ACACB: variants seen among roughly 807,000 people sequenced by gnomAD.
The protein encoded by ACACB is acetyl-CoA carboxylase 2.
A neutral mutation model predicts 278.8 loss-of-function variants in ACACB; 209 were observed. The observed-to-expected ratio is 0.75, with a 90% CI of 0.67 to 0.84. The LOEUF is 0.84. Ranked by LOEUF, ACACB falls within the 40% of genes least tolerant of loss-of-function variation. The pLI is 0.00. For missense variants in ACACB, 2,850 were observed against 3,269.0 expected, an observed-to-expected ratio of 0.87 and a Z score of 3.13; for synonymous variants, 1,174 against 1,285.6, an observed-to-expected ratio of 0.91 and a Z score of 1.86.
At chr12:109,161,675 T>C (rs917787680) in intron 2 of ACACB, among the ~76,000 whole-genome samples, 1 of 152,044 alleles carries the variant, frequency 6.6e-6, no homozygotes, top group Non-Finnish European at 1.5e-5. Context: ...GATGACTAGA[T>C]ACAGAAAATT....
At chr12:109,182,507 A>G (rs922314445) in intron 11 of ACACB, among the ~76,000 whole-genome samples, 4 of 152,170 alleles carry the variant, frequency 2.6e-5, no homozygotes, top group East Asian at 3.9e-4. Context: ...AGCTGAGACT[A>G]CAAGTGTGCA....
In ACACB at chr12:109,134,030, C is replaced by T. The variant is rs187993105; in HGVS notation, c.-9-5367C>T. On this transcript the variant is annotated intron_variant, in intron 1 of 52. Transcript: ENST00000338432. Reference sequence around the variant, plus strand: ...ATGTCCCAGGCTCAAGTGAGCCTCCCGCCTTGGCCTCCCAAAGTGTTGGGA... The same window carrying T: ...ATGTCCCAGGCTCAAGTGAGCCTCCTGCCTTGGCCTCCCAAAGTGTTGGGA... Among the ~76,000 whole-genome samples, 13 of 151,270 alleles carry T rather than the reference C, an allele frequency of 8.6e-5. No homozygotes were observed. In the South Asian group the frequency reaches 2.5e-3, roughly 29 times the overall value.
intron 1 of ACACB, among the ~76,000 whole-genome samples, chr12:109,137,673 G>A (rs529410449): frequency 2.0e-5 from 3 of 151,250 alleles, no homozygotes; most frequent in Admixed American, 6.6e-5. Flanking sequence ...AAAAAAAAAA[G>A]GATTTTTAGA....
chr12:109,258,004 G>T (rs530193615), intron 45 of ACACB, among the ~76,000 whole-genome samples: 1 of 152,334 alleles, frequency 6.6e-6, no homozygotes, highest in Non-Finnish European at 1.5e-5. Context: ...CCTCGTCACA[G>T]AAAGTTCTAG....
At chr12:109,227,334 C>T (rs918798071) in intron 27 of ACACB, 37 bp from the exon 28 acceptor site, 3 of 1,569,372 alleles carry the variant, frequency 1.9e-6, no homozygotes, top group Admixed American at 3.6e-5. Context: ...TCTGCAGTGG[C>T]CCCTGAGAGA....
chr12:109,190,549 A>G (rs1454033421), intron 13 of ACACB, among the ~76,000 whole-genome samples: 2 of 152,186 alleles, frequency 1.3e-5, no homozygotes, highest in Admixed American at 6.5e-5. Context: ...GGAAGGTGAG[A>G]GGGTGGCACC....
At position 109,216,915 on chromosome 12, in the gene ACACB, T is replaced by A. The variant is rs771810361; in HGVS notation, c.3559T>A (p.Leu1187Met). 3 of 1,613,256 alleles carry A rather than the reference T, an allele frequency of 1.9e-6. No individual in the cohort carries two copies. In the East Asian group the frequency reaches 6.7e-5, roughly 36 times the overall value. ...CAAGAAGAACCAGCTGGTGATCATG[T>A]TGATCGTAAGCAGGAAGAGGGCCTG... is the stretch of plus-strand genomic sequence containing the variant. ...VAKKNQLVIM[L>M]IDELCGPDPS... Residue 1187 changes from leucine to methionine, a missense_variant, in exon 24 of 53, where the codon TTG (leucine) becomes ATG (methionine). Transcript: ENST00000338432.
intron 34 of ACACB, among the ~76,000 whole-genome samples, chr12:109,237,873 G>A (rs1341314037): frequency 2.0e-5 from 3 of 151,814 alleles, no homozygotes; most frequent in Non-Finnish European, 4.4e-5. Flanking sequence ...TTACCTGGGC[G>A]TGGTGGCGTA....
chr12:109,135,330 C>T (rs866904753), intron 1 of ACACB, among the ~76,000 whole-genome samples: 1 of 152,050 alleles, frequency 6.6e-6, no homozygotes. Flanking sequence ...TTCATTGGAG[C>T]AATGTCTATC....
chr12:109,173,732 A>G (rs1466950334), intron 6 of ACACB, among the ~76,000 whole-genome samples: 1 of 152,226 alleles, frequency 6.6e-6, no homozygotes, highest in East Asian at 1.9e-4. Context: ...TGTGACAGAG[A>G]CCTGCAGGCT....
intron 2 of ACACB, among the ~76,000 whole-genome samples, chr12:109,151,887 C>T (rs1195398747): frequency 1.3e-5 from 2 of 152,198 alleles, no homozygotes; most frequent in Non-Finnish European, 2.9e-5. Context: ...CAAAAGTAAT[C>T]GTGGTTTTTG....
At chr12:109,212,741 T>C (rs2300454) in intron 21 of ACACB, 95 bp from the exon 22 acceptor site, 190,197 of 987,484 alleles carry the variant, frequency 0.19, 19,553 homozygotes, top group East Asian at 0.31. Flanking sequence ...GGACCAGTGC[T>C]CGTTTGGGTA....
In ACACB at chr12:109,139,774, A is replaced by G. The variant is rs779148685; in HGVS notation, c.369A>G (p.Gln123=). ...TTCAAGCCAACGGGACTGGGACACA[A>G]GGTCTGGAGGCCACAGATACCAATG... ...PELQANGTGT[Q]GLEATDTNGL... is the part of the protein sequence containing the mutation. Residue 123 remains glutamine, a synonymous_variant, in exon 2 of 53, where the codon CAA becomes CAG. Transcript: ENST00000338432. 6.2e-7 allele frequency: 1 copy of G among 1,614,080 alleles called. No homozygotes were observed. The highest frequency in any genetic ancestry group is 8.5e-7 in the Non-Finnish European group (1 of 1,180,046).
At chr12:109,135,342 G>A (rs1642038) in intron 1 of ACACB, among the ~76,000 whole-genome samples, 124,140 of 151,894 alleles carry the variant, frequency 0.82, 52,172 homozygotes, top group Non-Finnish European at 0.92. Flanking sequence ...ATGTCTATCC[G>A]AGTCTTTTGT....
chr12:109,149,744 A>G (rs895133534), intron 2 of ACACB, among the ~76,000 whole-genome samples: 1 of 152,112 alleles, frequency 6.6e-6, no homozygotes, highest in Non-Finnish European at 1.5e-5. Context: ...AGTTATTGCA[A>G]CCCCTCTGGG....
chr12:109,116,018 C>T (rs2042396710), upstream of ACACB, among the ~76,000 whole-genome samples: 1 of 152,250 alleles, frequency 6.6e-6, no homozygotes, highest in South Asian at 2.1e-4. Context: ...TTGCAGAACA[C>T]TATGTAACTG....
intron 21 of ACACB, among the ~76,000 whole-genome samples, chr12:109,212,558 G>A (rs1345552049): frequency 6.6e-6 from 1 of 152,052 alleles, no homozygotes; most frequent in African/African-American, 2.4e-5. Flanking sequence ...TCGCATGCAC[G>A]GTTCACAGCA....
intron 19 of ACACB, among the ~76,000 whole-genome samples, chr12:109,202,932 A>T (rs1020157230): frequency 2.6e-5 from 4 of 152,158 alleles, no homozygotes; most frequent in African/African-American, 9.7e-5. Context: ...AAATCCATTC[A>T]CATTGTTGCA....
At chr12:109,262,771 C>A (rs1476639699) in intron 49 of ACACB, among the ~76,000 whole-genome samples, 1 of 151,544 alleles carries the variant, frequency 6.6e-6, no homozygotes, top group Admixed American at 6.6e-5. Context: ...GTACGCAACA[C>A]CATGCCTAGC....
Sources: allele counts gnomAD v4.1 joint callset (sites outside exome capture counted in the v4.1 genomes callset), GRCh38; gene constraint gnomAD v4.1.1; transcripts MANE v1.5; gene names NCBI Gene and HGNC (gene_info 2026-07-23, HGNC 2026-07-21).